FBXO4: variants seen among roughly 807,000 people sequenced by gnomAD.
FBXO4 encodes the protein F-box protein 4.
A neutral mutation model predicts 43.7 loss-of-function variants in FBXO4; 36 were observed. That is an observed-to-expected ratio of 0.82 (90% confidence interval 0.63 to 1.09). The LOEUF (loss-of-function observed/expected upper bound fraction) is 1.09. FBXO4 is among the 50% of genes least tolerant of loss of function. The probability of loss-of-function intolerance (pLI) is 0.00; values close to 1 mark genes in which losing one functional copy is unlikely to be tolerated. For missense variants in FBXO4, 435 were observed against 474.1 expected (o/e 0.92, Z 0.77); for synonymous variants, 180 against 165.6 (o/e 1.09, Z -0.67).
chr5:41,944,428 A>G (rs1402125674), downstream of FBXO4, among the ~76,000 whole-genome samples: 2 of 152,218 alleles, frequency 1.3e-5, no homozygotes, highest in Admixed American at 1.3e-4. Flanking sequence ...CTAGCCTGAT[A>G]GCACTATAGA....
intron 3 of FBXO4, 121 bp from the exon 4 acceptor site, chr5:41,933,823 CTA>C: frequency 3.0e-6 from 2 of 666,262 alleles, no homozygotes; most frequent in Non-Finnish European, 5.1e-6. Flanking sequence ...TATTTCAACT[CTA>C]TGTATAAGTT....
Position 41,929,784 on chromosome 5 carries a change from G to C in FBXO4, c.513G>C (p.Leu171=). The C allele has an allele frequency of 6.2e-7, 1 of 1,614,114 alleles. No homozygotes were observed. Among genetic ancestry groups the C allele is most frequent in the African/African-American group, 1.3e-5 (1 of 75,024 alleles). Residue 171 remains leucine, a synonymous_variant, in exon 3 of 7, where the codon CTG becomes CTC. Transcript: ENST00000281623. ...CTGTCACTTCTTTTTTACACTCCCT[G>C]ATCATTCAGAATGAACCACGATTTG... ...YGAVTSFLHS[L]IIQNEPRFAM...
chr5:41,948,336 C>T, the FBXO4 span, among the ~76,000 whole-genome samples: 1 of 152,038 alleles, frequency 6.6e-6, no homozygotes, highest in Non-Finnish European at 1.5e-5. Context: ...GGGGTTTCAC[C>T]CTGTTAGCCA....
At chr5:41,991,928 A>G in the FBXO4 span, among the ~76,000 whole-genome samples, 1 of 152,162 alleles carries the variant, frequency 6.6e-6, no homozygotes, top group Admixed American at 6.5e-5. Context: ...AAAATACAAA[A>G]TTAGCCAGGC....
downstream of FBXO4, among the ~76,000 whole-genome samples, chr5:41,943,000 G>A (rs1245752943): frequency 6.6e-6 from 1 of 152,136 alleles, no homozygotes; most frequent in East Asian, 1.9e-4. Context: ...CAGGCAATGT[G>A]TATAATACTT....
chr5:41,966,894 A>G, the FBXO4 span, among the ~76,000 whole-genome samples: 2 of 152,188 alleles, frequency 1.3e-5, no homozygotes, highest in East Asian at 3.9e-4. Flanking sequence ...AATGTCTCCC[A>G]TGTTAGTCAC....
the FBXO4 span, among the ~76,000 whole-genome samples, chr5:42,010,565 G>A: frequency 2.6e-5 from 4 of 151,736 alleles, no homozygotes; most frequent in Non-Finnish European, 5.9e-5. Context: ...TTCACTTTAG[G>A]TATATATCAC....
Position 41,939,434 on chromosome 5 carries a change from TCCTTA to T in FBXO4, c.899-6_899-2del. ...GCAAATTAAGGGTTTTGACTTACAT[TCCTTA>T]GGACATGAATGGCAAGATGAATTTT... is the stretch of plus-strand genomic sequence containing the variant. On this transcript the variant is annotated splice_acceptor_variant and splice_polypyrimidine_tract_variant and intron_variant, in intron 5 of 6. Transcript: ENST00000281623. LOFTEE classifies it high-confidence loss of function. The T allele has an allele frequency of 6.3e-7, 1 of 1,594,022 alleles. No individual in the cohort carries two copies. Among genetic ancestry groups the T allele is most frequent in the Non-Finnish European group, 8.6e-7 (1 of 1,169,514 alleles).
the FBXO4 span, among the ~76,000 whole-genome samples, chr5:41,953,952 C>G: frequency 6.6e-6 from 1 of 152,110 alleles, no homozygotes; most frequent in African/African-American, 2.4e-5. Context: ...TTTAAAATCT[C>G]TGAATAAGTA....
the FBXO4 span, among the ~76,000 whole-genome samples, chr5:42,037,588 A>C: frequency 6.6e-6 from 1 of 152,096 alleles, no homozygotes; most frequent in African/African-American, 2.4e-5. Flanking sequence ...ACTCTGTTAG[A>C]AGATTATAAT....
the FBXO4 span, among the ~76,000 whole-genome samples, chr5:42,012,759 C>G: frequency 6.6e-6 from 1 of 152,070 alleles, no homozygotes; most frequent in Non-Finnish European, 1.5e-5. Flanking sequence ...GTCTCTAGAT[C>G]CAAATGGCCT....
chr5:42,008,403 G>A, the FBXO4 span, among the ~76,000 whole-genome samples: 6 of 152,074 alleles, frequency 3.9e-5, no homozygotes, highest in Non-Finnish European at 8.8e-5. Context: ...GCTCCTAAGG[G>A]TAAATTTGGG....
chr5:41,970,651 A>T, the FBXO4 span, among the ~76,000 whole-genome samples: 2 of 151,960 alleles, frequency 1.3e-5, no homozygotes, highest in Non-Finnish European at 2.9e-5. Context: ...GGAAAAACAA[A>T]ATAACTTAGT....
the FBXO4 span, among the ~76,000 whole-genome samples, chr5:41,988,632 C>T: frequency 1.3e-5 from 2 of 152,118 alleles, no homozygotes; most frequent in African/African-American, 2.4e-5. Flanking sequence ...ATGGAGGTTG[C>T]GGCTCATGAG....
At chr5:41,956,924 C>T in the FBXO4 span, among the ~76,000 whole-genome samples, 3 of 151,606 alleles carry the variant, frequency 2.0e-5, no homozygotes, top group Non-Finnish European at 1.5e-5. Context: ...GTTGGCCAGG[C>T]TGGTCTCGAA....
At chr5:41,986,286 C>A in the FBXO4 span, among the ~76,000 whole-genome samples, 1 of 151,988 alleles carries the variant, frequency 6.6e-6, no homozygotes, top group East Asian at 1.9e-4. Context: ...CACTGTTTGG[C>A]CCCATTTACC....
chr5:42,003,524 A>T, the FBXO4 span, among the ~76,000 whole-genome samples: 2 of 152,224 alleles, frequency 1.3e-5, no homozygotes, highest in East Asian at 1.9e-4. Flanking sequence ...TTATTTATTT[A>T]TTTTTTAAAT....
chr5:41,959,414 T>G, the FBXO4 span, among the ~76,000 whole-genome samples: 10 of 151,502 alleles, frequency 6.6e-5, no homozygotes, highest in Admixed American at 6.6e-4. Flanking sequence ...TCTATTTATC[T>G]TCTTGTTGCC....
chr5:41,983,446 GC>G, the FBXO4 span, among the ~76,000 whole-genome samples: 2 of 151,162 alleles, frequency 1.3e-5, no homozygotes, highest in Admixed American at 1.4e-4. Context: ...GTCAACTTTA[GC>G]ATTTTCTAAT....
Sources: allele counts gnomAD v4.1 joint callset (sites outside exome capture counted in the v4.1 genomes callset), GRCh38; gene constraint gnomAD v4.1.1; transcripts MANE v1.5; gene names NCBI Gene and HGNC (gene_info 2026-07-23, HGNC 2026-07-21).